SYNPO: variants seen among roughly 807,000 people sequenced by gnomAD.
SYNPO encodes the protein synaptopodin.
Under a neutral mutation model 49.5 loss-of-function variants are expected in SYNPO, and 19 were observed. The observed-to-expected ratio is 0.38, with a 90% CI of 0.27 to 0.56. The LOEUF is 0.56. Among genes scored for constraint, SYNPO ranks in the 20% least tolerant of loss-of-function variants. The pLI, the probability that SYNPO is intolerant of heterozygous loss-of-function variation, is 0.68. For missense variants in SYNPO, 1,131 were observed against 1,248.3 expected (o/e 0.91, Z 1.42); for synonymous variants, 536 against 548.0 (o/e 0.98, Z 0.31).
intron 1 of SYNPO, among the ~76,000 whole-genome samples, chr5:150,602,921 T>C (rs969365727): frequency 2.0e-5 from 3 of 151,976 alleles, no homozygotes; most frequent in Non-Finnish European, 4.4e-5. Context: ...ATGTAGGCCA[T>C]CTTTTGGCCC....
At chr5:150,600,299 G>C (rs1486603909), upstream of SYNPO, among the ~76,000 whole-genome samples, 1 of 152,252 alleles carries the variant, frequency 6.6e-6, no homozygotes, top group Admixed American at 6.5e-5. Flanking sequence ...TGGGTGCCCA[G>C]AGTTGGAGGG....
At chr5:150,605,414 G>A (rs958832030) in intron 1 of SYNPO, among the ~76,000 whole-genome samples, 3 of 152,116 alleles carry the variant, frequency 2.0e-5, no homozygotes, top group Non-Finnish European at 2.9e-5. Flanking sequence ...AAAGAGATGA[G>A]GAAACTCAGA....
intron 1 of SYNPO, among the ~76,000 whole-genome samples, chr5:150,606,329 A>G (rs1464755528): frequency 1.2e-4 from 18 of 152,218 alleles, no homozygotes; most frequent in Admixed American, 1.2e-3. Flanking sequence ...TCACTGCAGT[A>G]ATACCTACTG....
chr5:150,655,756 G>A (rs368092261), intron 2 of SYNPO, among the ~76,000 whole-genome samples: 4 of 152,188 alleles, frequency 2.6e-5, no homozygotes, highest in East Asian at 1.9e-4. Flanking sequence ...AGGTTCAAGC[G>A]ATCCTCCTGC....
chr5:150,639,840 C>T (rs1757837310), upstream of SYNPO, among the ~76,000 whole-genome samples: 1 of 152,216 alleles, frequency 6.6e-6, no homozygotes, highest in Non-Finnish European at 1.5e-5. Context: ...AGTAGAGGCC[C>T]CTGCCCTCGA....
At position 150,650,248 on chromosome 5, in the gene SYNPO, C is replaced by T. The variant is rs1268183257; in HGVS notation, c.1973C>T (p.Ala658Val). The stretch of plus-strand genomic sequence containing the variant: ...CCCTCCAGGGCGTGGTCTCCCCGAG[C>T]CAAGCAGGCCCCCAGGCCCTCCTTC... Reference protein sequence around the residue: ...VSPSRAWSPRAKQAPRPSFST... With the variant: ...VSPSRAWSPRVKQAPRPSFST... The change falls in exon 2 of 3, where the codon GCC (alanine) becomes GTC (valine). Residue 658 changes from alanine (A) to valine (V), a missense_variant. Transcript: ENST00000307662. 1 of 1,613,962 alleles carries T rather than the reference C, an allele frequency of 6.2e-7. No homozygotes were observed. Among genetic ancestry groups the T allele is most frequent in the Non-Finnish European group, 8.5e-7 (1 of 1,180,058 alleles).
upstream of SYNPO, among the ~76,000 whole-genome samples, chr5:150,638,890 G>A (rs115854173): frequency 7.9e-3 from 1,197 of 152,324 alleles, 14 homozygotes; most frequent in African/African-American, 0.027. Flanking sequence ...TGGGGAGAGT[G>A]AAACAGCAGG....
Position 150,648,052 on chromosome 5 carries a change from G to T in SYNPO, c.-224G>T. On this transcript the variant is annotated 5_prime_UTR_variant, in exon 2 of 3. Coordinates refer to ENST00000307662, the MANE Select transcript of SYNPO (RefSeq NM_007286.6). The surrounding 1 kb of genome is among the most constrained non-coding windows in gnomAD (Gnocchi z 5.0). ...ACCCCTCCCAGCTCCAATTCCCGTG[G>T]CGTCCAGCTCTTCAACAGGCGCCGG... 6.4e-7 allele frequency: 1 copy of T among 1,551,816 alleles called. No individual in the cohort carries two copies. Among genetic ancestry groups the T allele is most frequent in the Non-Finnish European group, 8.7e-7 (1 of 1,147,008 alleles).
In SYNPO at chr5:150,650,359, G is replaced by T. The variant is rs556946404; in HGVS notation, c.2028+56G>T. On this transcript the variant is annotated intron_variant, in intron 2 of 2. Coordinates refer to ENST00000307662, the MANE Select transcript of SYNPO (RefSeq NM_007286.6). ...CGAACCCCACGGGGGTCCCACTGCC[G>T]GTCAAGTTCCCCTCCTTGAGGGCCA... 68 of 1,609,510 alleles carry T rather than the reference G, an allele frequency of 4.2e-5. No individual in the cohort carries two copies. The Admixed American group carries it at 5.6e-4, about 13-fold the overall frequency.
intron 1 of SYNPO, among the ~76,000 whole-genome samples, chr5:150,611,413 GA>G (rs1443062507): frequency 6.6e-6 from 1 of 152,238 alleles, no homozygotes; most frequent in Non-Finnish European, 1.5e-5. Context: ...GGACTCATCT[GA>G]AGTTACCCAC....
chr5:150,597,844 C>T (rs1756451530), upstream of SYNPO, among the ~76,000 whole-genome samples: 1 of 151,978 alleles, frequency 6.6e-6, no homozygotes, highest in African/African-American at 2.4e-5. Flanking sequence ...CACCATCTTG[C>T]TCAGGTTGGT....
upstream of SYNPO, among the ~76,000 whole-genome samples, chr5:150,596,510 G>A (rs565560333): frequency 6.6e-5 from 10 of 152,096 alleles, no homozygotes; most frequent in Admixed American, 2.0e-4. Flanking sequence ...TCAGTGCCCC[G>A]CCCCTGCTCT....
Position 150,656,669 on chromosome 5 carries a change from C to A in SYNPO, c.2294C>A (p.Ala765Asp), listed in dbSNP as rs868078983. Reference protein sequence around the residue: ...ALLARNIINAARRKSASPRSA... With the variant: ...ALLARNIINADRRKSASPRSA... ...CTGGCGCGAAACATCATCAATGCGG[C>A]CCGGCGCAAGAGCGCCTCCCCGCGG... The change falls in exon 3 of 3, where the codon GCC (alanine) becomes GAC (aspartate). Residue 765 changes from alanine to aspartate, a missense_variant. Transcript: ENST00000307662. The A allele has an allele frequency of 6.7e-7, 1 of 1,493,418 alleles. No individual in the cohort carries two copies. Among genetic ancestry groups the A allele is most frequent in the Non-Finnish European group, 8.9e-7 (1 of 1,129,034 alleles). The allele number at this position is 1,493,418 out of a possible 1,614,324, so 92.5% of individuals were successfully genotyped here. A position where few individuals can be genotyped will look rare whatever the true frequency, so the allele number is the denominator to read the frequency against.
chr5:150,602,813 T>C (rs899483050), intron 1 of SYNPO, among the ~76,000 whole-genome samples: 4 of 152,090 alleles, frequency 2.6e-5, no homozygotes, highest in Non-Finnish European at 4.4e-5. Flanking sequence ...CGCGCTGGGA[T>C]TACAGACATG....
At chr5:150,586,407 T>C in the SYNPO span, among the ~76,000 whole-genome samples, 1 of 152,258 alleles carries the variant, frequency 6.6e-6, no homozygotes, top group African/African-American at 2.4e-5. Flanking sequence ...TAGCTCTAGC[T>C]ACTCTTCCTC....
intron 2 of SYNPO, among the ~76,000 whole-genome samples, chr5:150,625,789 T>TC (rs142072497): frequency 0.025 from 3,807 of 152,316 alleles, 153 homozygotes; most frequent in African/African-American, 0.086. Flanking sequence ...GCCAGGGAAC[T>TC]CCGTCCATGG....
intron 1 of SYNPO, among the ~76,000 whole-genome samples, chr5:150,611,783 G>A (rs556150571): frequency 9.2e-5 from 14 of 152,324 alleles, no homozygotes; most frequent in African/African-American, 2.9e-4. Context: ...ACATCCCTCT[G>A]GGACTGACTA....
rs1758591165 is a variant in SYNPO, at chr5:150,656,922, C to T, written c.2547C>T (p.Phe849=). The change falls in exon 3 of 3, where the codon TTC becomes TTT. Residue 849 remains phenylalanine (F), a synonymous_variant. Coordinates refer to ENST00000307662, the MANE Select transcript of SYNPO (RefSeq NM_007286.6). ...CGCTGCCCGCGCCTCCCAGGCCCTTCCTCTACCGCCGCTCGCCCACGGACT... is the reference window on the plus strand; with the variant it reads ...CGCTGCCCGCGCCTCCCAGGCCCTTTCTCTACCGCCGCTCGCCCACGGACT... ...RSPLPAPPRP[F]LYRRSPTDSD... is the part of the protein sequence containing the mutation. The T allele has an allele frequency of 1.3e-6, 2 of 1,579,870 alleles. No homozygotes were observed. The highest frequency in any genetic ancestry group is 1.7e-6 in the Non-Finnish European group (2 of 1,163,750).
chr5:150,597,110 G>A (rs1756439550), upstream of SYNPO, among the ~76,000 whole-genome samples: 1 of 152,170 alleles, frequency 6.6e-6, no homozygotes, highest in African/African-American at 2.4e-5. Flanking sequence ...GCTAGTGGGG[G>A]ACAGTGGGCT....
Sources: gnomAD v4.1 joint callset for allele counts (sites outside exome capture counted in the v4.1 genomes callset) on GRCh38, gnomAD v4.1.1 for gene constraint, Gnocchi (gnomAD v3.1) non-coding constraint, MANE v1.5 for transcripts, NCBI Gene and HGNC (gene_info 2026-07-23, HGNC 2026-07-21) for gene names.